The following RERE variants were observed in gnomAD, a reference collection of about 807,000 sequenced individuals.
The protein encoded by RERE is arginine-glutamic acid dipeptide repeats protein.
RERE carries 40 observed loss-of-function variants against 146.1 expected under a neutral mutation model. The ratio of observed to expected loss-of-function variants is 0.27; its 90% CI spans 0.21 to 0.36. The LOEUF (loss-of-function observed/expected upper bound fraction) is 0.36, where lower values mean the gene tolerates loss of function less well. RERE is among the 10% of genes least tolerant of loss of function. The pLI is 1.00. For synonymous variants in RERE, 1,003 were observed against 866.0 expected, an observed-to-expected ratio of 1.16 and a Z score of -2.78; for missense variants, 1,933 against 2,138.7, an observed-to-expected ratio of 0.90 and a Z score of 1.90.
In RERE at chr1:8,354,286, G is replaced by C. The variant is rs1297998690; in HGVS notation, c.*801C>G. ...AGGAGCAGACACAAGTGAAACGCCA[G>C]GCAGAAAACAGAGTCTGTAACATCG... On this transcript the variant is annotated 3_prime_UTR_variant, in exon 23 of 23. Transcript: ENST00000400908. The C allele has an allele frequency of 1.3e-5, 2 of 152,640 alleles. No homozygotes were observed. The highest frequency in any genetic ancestry group is 2.9e-5 in the Non-Finnish European group (2 of 68,050). The allele number at this position is 152,640 out of a possible 1,614,324, so 9.5% of individuals were successfully genotyped here.
intron 10 of RERE, among the ~76,000 whole-genome samples, chr1:8,477,584 G>A (rs1339064241): frequency 6.6e-6 from 1 of 152,190 alleles, no homozygotes; most frequent in Non-Finnish European, 1.5e-5. Context: ...TCTCACGTAG[G>A]CACTAGTGAA....
chr1:8,430,707 C>CA (rs1168973103), intron 11 of RERE, among the ~76,000 whole-genome samples: 1 of 152,232 alleles, frequency 6.6e-6, no homozygotes, highest in Non-Finnish European at 1.5e-5. Flanking sequence ...CCAAGGCCTT[C>CA]AGGCTTCTGT....
chr1:8,786,773 A>G (rs2124567682), intron 1 of RERE: 4 of 784,476 alleles, frequency 5.1e-6, no homozygotes, highest in South Asian at 2.7e-5. Context: ...TTGTGATAGC[A>G]CTATGCTTTT....
At chr1:8,793,343 G>C (rs1641403778) in intron 1 of RERE, among the ~76,000 whole-genome samples, 2 of 152,056 alleles carry the variant, frequency 1.3e-5, no homozygotes, top group African/African-American at 2.4e-5. Flanking sequence ...AACAGCATGT[G>C]ATACTCTCCA....
rs1641574437 is a variant in RERE at position 8,800,775 on chromosome 1, G to C, written c.-145+16385C>G. Among the ~76,000 whole-genome samples, 2 of 152,048 alleles carry C rather than the reference G, an allele frequency of 1.3e-5. 1 individual carries two copies. Among genetic ancestry groups the C allele is most frequent in the South Asian group, 4.2e-4 (2 of 4,808 alleles). On this transcript the variant is annotated intron_variant, in intron 1 of 22. Coordinates refer to ENST00000400908, the MANE Select transcript of RERE (RefSeq NM_001042681.2). ...AGGTCAGGAGTTTGAGACCAGCTTG[G>C]CCAACACAGTGAAACCCCATCTCTA... is the stretch of plus-strand genomic sequence containing the variant.
At chr1:8,759,271 T>A (rs1179639106) in intron 1 of RERE, among the ~76,000 whole-genome samples, 2 of 152,200 alleles carry the variant, frequency 1.3e-5, no homozygotes, top group Non-Finnish European at 2.9e-5. Flanking sequence ...TCCTTTTATA[T>A]GAGAAAATTA....
At chr1:8,583,540 T>G (rs1014075764) in intron 4 of RERE, among the ~76,000 whole-genome samples, 6 of 152,176 alleles carry the variant, frequency 3.9e-5, no homozygotes, top group Non-Finnish European at 8.8e-5. Context: ...CCAGAGACCT[T>G]GCAGGGCTAA....
chr1:8,508,535 C>T, intron 8 of RERE, 92 bp downstream of exon 8: 1 of 999,208 alleles, frequency 1.0e-6, no homozygotes, highest in Non-Finnish European at 1.6e-6. Context: ...ATAGCAATAA[C>T]CACATTCTAA....
chr1:8,416,409 A>C (rs1411322118), intron 12 of RERE, among the ~76,000 whole-genome samples: 7 of 151,664 alleles, frequency 4.6e-5, no homozygotes, highest in Admixed American at 6.6e-5. Flanking sequence ...CATGGTGAAA[A>C]CCCCGTCTCT....
intron 11 of RERE, among the ~76,000 whole-genome samples, chr1:8,458,699 G>A (rs1417041082): frequency 6.6e-6 from 1 of 152,108 alleles, no homozygotes; most frequent in East Asian, 1.9e-4. Flanking sequence ...ACCGGTTAAA[G>A]ACACTAAGAA....
chr1:8,763,499 G>A (rs919677864), intron 1 of RERE, among the ~76,000 whole-genome samples: 4 of 152,192 alleles, frequency 2.6e-5, no homozygotes. Context: ...GCCAGATGTG[G>A]AGGCGCACGC....
chr1:8,607,009 T>G (rs1407973988), intron 4 of RERE, among the ~76,000 whole-genome samples: 2 of 152,154 alleles, frequency 1.3e-5, no homozygotes, highest in Non-Finnish European at 2.9e-5. Flanking sequence ...TTAGAAACAT[T>G]TAATATCCTT....
chr1:8,792,175 C>G (rs1205708839), intron 1 of RERE, among the ~76,000 whole-genome samples: 1 of 151,924 alleles, frequency 6.6e-6, no homozygotes, highest in Non-Finnish European at 1.5e-5. Context: ...GTTATAAATT[C>G]TTATAACCCA....
chr1:8,558,117 G>A (rs993841623), intron 4 of RERE, among the ~76,000 whole-genome samples: 1 of 152,178 alleles, frequency 6.6e-6, no homozygotes, highest in Non-Finnish European at 1.5e-5. Context: ...TGAGTCCAGA[G>A]ACCTCATCTC....
At chr1:8,682,588 T>C (rs1638995742) in intron 1 of RERE, among the ~76,000 whole-genome samples, 1 of 152,214 alleles carries the variant, frequency 6.6e-6, no homozygotes, top group African/African-American at 2.4e-5. Flanking sequence ...CATTTCAGTG[T>C]CCACTAGGGA....
At chr1:8,473,587 A>C (rs1271309531) in intron 10 of RERE, among the ~76,000 whole-genome samples, 4 of 152,224 alleles carry the variant, frequency 2.6e-5, no homozygotes, top group Non-Finnish European at 5.9e-5. Flanking sequence ...GTTGCCTAAA[A>C]AGCTCTCAGT....
At chr1:8,581,018 TCA>T in intron 4 of RERE, among the ~76,000 whole-genome samples, 1 of 152,218 alleles carries the variant, frequency 6.6e-6, no homozygotes, top group East Asian at 1.9e-4. Context: ...CTGATTTCCA[TCA>T]CAGATTAATC....
At chr1:8,537,657 C>G (rs1452286959) in intron 7 of RERE, among the ~76,000 whole-genome samples, 1 of 151,970 alleles carries the variant, frequency 6.6e-6, no homozygotes, top group Non-Finnish European at 1.5e-5. Flanking sequence ...AAGTTTATAC[C>G]TAATAATAAC....
intron 10 of RERE, among the ~76,000 whole-genome samples, chr1:8,489,071 GC>G (rs1352147312): frequency 2.6e-5 from 4 of 152,110 alleles, no homozygotes; most frequent in African/African-American, 9.7e-5. Flanking sequence ...CAGGCCAGGT[GC>G]GGTGGCTCAT....
Sources: allele counts gnomAD v4.1 joint callset (sites outside exome capture counted in the v4.1 genomes callset), GRCh38; gene constraint gnomAD v4.1.1; transcripts MANE v1.5; gene names NCBI Gene and HGNC (gene_info 2026-07-23, HGNC 2026-07-21).